The following BEND7 variants were observed in gnomAD, a reference collection of about 807,000 sequenced individuals.
BEND7 encodes the protein BEN domain containing 7, also known as BEN domain-containing protein 7.
Under a neutral mutation model 50.9 loss-of-function variants are expected in BEND7, and 28 were observed. The ratio of observed to expected loss-of-function variants is 0.55; its 90% CI spans 0.41 to 0.75. BEND7 has a LOEUF of 0.75. BEND7 is among the 30% of genes least tolerant of loss of function. The pLI, the probability that BEND7 is intolerant of heterozygous loss-of-function variation, is 0.00. For missense variants in BEND7, 477 were observed against 491.3 expected (o/e 0.97, Z 0.28); for synonymous variants, 170 against 183.9 (o/e 0.92, Z 0.61).
At chr10:13,497,027 G>A (rs1199798914) in intron 3 of BEND7, 139 bp from the exon 4 acceptor site, 3 of 1,042,412 alleles carry the variant, frequency 2.9e-6, no homozygotes, top group Non-Finnish European at 4.0e-6. Flanking sequence ...TGTGCCTAAG[G>A]AAAACGTACC....
chr10:13,458,998 A>G (rs1366106610), intron 6 of BEND7, among the ~76,000 whole-genome samples: 1 of 152,242 alleles, frequency 6.6e-6, no homozygotes, highest in Non-Finnish European at 1.5e-5. Flanking sequence ...AAATCCAAGT[A>G]TGGGCAGCTT....
chr10:13,492,695 A>G lies in BEND7; in HGVS notation c.753T>C (p.Ser251=). 1 of 1,614,172 alleles carries G rather than the reference A, an allele frequency of 6.2e-7. No individual in the cohort carries two copies. Among genetic ancestry groups the G allele is most frequent in the Non-Finnish European group, 8.5e-7 (1 of 1,180,028 alleles). Residue 251 remains serine, a synonymous_variant, in exon 5 of 9, where the codon TCT becomes TCC. Transcript: ENST00000466271. ...EKKSVVASEL[S]ALQAAEHTSP... Reference sequence around the variant, plus strand: ...AGGTGTGCTCGGCTGCCTGGAGAGCAGATAGCTCAGAGGCCACCACCGACT... The same window carrying G: ...AGGTGTGCTCGGCTGCCTGGAGAGCGGATAGCTCAGAGGCCACCACCGACT...
chr10:13,485,437 G>C (rs1312096844), intron 5 of BEND7, among the ~76,000 whole-genome samples: 1 of 152,176 alleles, frequency 6.6e-6, no homozygotes, highest in African/African-American at 2.4e-5. Context: ...GGGCTGTTTG[G>C]ACTAGGTCAT....
At chr10:13,484,206 A>G (rs1217085663) in intron 5 of BEND7, among the ~76,000 whole-genome samples, 1 of 152,174 alleles carries the variant, frequency 6.6e-6, no homozygotes, top group Non-Finnish European at 1.5e-5. Context: ...CCTGTCTCCT[A>G]TTCAGATTTC....
downstream of BEND7, chr10:13,438,816 G>C (rs1314716058): frequency 4.3e-6 from 1 of 233,294 alleles, no homozygotes; most frequent in Non-Finnish European, 8.4e-6. Context: ...GCTGTAAAAG[G>C]CTCCTGATCC....
chr10:13,523,753 C>T (rs1018595475), intron 2 of BEND7, among the ~76,000 whole-genome samples: 4 of 152,192 alleles, frequency 2.6e-5, no homozygotes, highest in Non-Finnish European at 4.4e-5. Flanking sequence ...AAAATTCCTA[C>T]TCTCAGATGC....
intron 7 of BEND7, among the ~76,000 whole-genome samples, chr10:13,449,235 C>T (rs951629909): frequency 2.0e-5 from 3 of 152,054 alleles, no homozygotes; most frequent in Non-Finnish European, 4.4e-5. Flanking sequence ...TTATTTTCTT[C>T]TAATTGGTTT....
intron 8 of BEND7, chr10:13,445,358 G>T (rs1275553180): frequency 1.3e-5 from 2 of 152,282 alleles, no homozygotes; most frequent in East Asian, 1.9e-4. Context: ...ACAGTGAAGA[G>T]GACTCCTAAA....
intron 5 of BEND7, among the ~76,000 whole-genome samples, chr10:13,488,531 A>C (rs1364400733): frequency 6.6e-6 from 1 of 152,106 alleles, no homozygotes; most frequent in Non-Finnish European, 1.5e-5. Context: ...CTCTGTCGCC[A>C]GGCTGGAGTG....
chr10:13,457,068 T>C (rs1163320484), intron 6 of BEND7, among the ~76,000 whole-genome samples: 1 of 152,260 alleles, frequency 6.6e-6, no homozygotes, highest in Non-Finnish European at 1.5e-5. Flanking sequence ...TCCACTGTTA[T>C]AGCAGGTACA....
chr10:13,445,534 A>G (rs1836138279), intron 8 of BEND7: 1 of 152,110 alleles, frequency 6.6e-6, no homozygotes, highest in South Asian at 2.1e-4. Flanking sequence ...AAGCCACTTA[A>G]TGTTTCTGGG....
Position 13,500,005 on chromosome 10 carries a change from T to G in BEND7, c.221A>C (p.Tyr74Ser). ...RLLNDSTGRIYQRVGKEGEKL... is the reference protein window; with the variant it reads ...RLLNDSTGRISQRVGKEGEKL... Reference sequence around the variant, plus strand: ...CTCTCCTTCTTTGCCAACTCGCTGATAGATCCGCCCAGTGCTGTCGTTCAG... The same window carrying G: ...CTCTCCTTCTTTGCCAACTCGCTGAGAGATCCGCCCAGTGCTGTCGTTCAG... Residue 74 changes from tyrosine to serine, a missense_variant, in exon 3 of 9, where the codon TAT becomes TCT. By Grantham distance (144) the Tyr-to-Ser change is moderately radical. Coordinates refer to ENST00000466271, the MANE Select transcript of BEND7 (RefSeq NM_001369863.1). 1.2e-6 allele frequency: 2 copies of G among 1,614,210 alleles called. No individual in the cohort carries two copies. The highest frequency in any genetic ancestry group is 1.7e-6 in the Non-Finnish European group (2 of 1,180,032).
At chr10:13,450,853 T>G (rs1837515375) in intron 7 of BEND7, among the ~76,000 whole-genome samples, 1 of 151,868 alleles carries the variant, frequency 6.6e-6, no homozygotes, top group African/African-American at 2.4e-5. Flanking sequence ...AATGGGCATT[T>G]GTGATGGGAA....
chr10:13,525,397 A>G (rs1158687613), intron 2 of BEND7, among the ~76,000 whole-genome samples: 1 of 152,214 alleles, frequency 6.6e-6, no homozygotes, highest in Non-Finnish European at 1.5e-5. Context: ...TCATGCAGCT[A>G]CACTTGCTGG....
chr10:13,491,944 T>C (rs7901327), intron 5 of BEND7, among the ~76,000 whole-genome samples: 31,609 of 151,622 alleles, frequency 0.21, 3,435 homozygotes, highest in African/African-American at 0.26. Context: ...ACATTGTAAA[T>C]AGAAATGCAA....
In BEND7 at chr10:13,466,529, A is replaced by G. The variant is rs1478630842; in HGVS notation, c.1064-13871T>C. On this transcript the variant is annotated intron_variant, in intron 6 of 8. Coordinates refer to ENST00000466271, the MANE Select transcript of BEND7 (RefSeq NM_001369863.1). ...AGCCAAGATCACACCACTGCAGTCC[A>G]GTCTGGGTCACAGGGTGAGAAACTG... 4.0e-5 allele frequency among the ~76,000 whole-genome samples: 6 copies of G among 151,756 alleles called. No homozygotes were observed. In the East Asian group the frequency reaches 1.2e-3, roughly 29 times the overall value.
At chr10:13,477,613 A>T (rs1189364189) in intron 6 of BEND7, among the ~76,000 whole-genome samples, 2 of 152,234 alleles carry the variant, frequency 1.3e-5, no homozygotes, top group East Asian at 3.8e-4. Flanking sequence ...GTAAAGAAAA[A>T]TGTATTAGGA....
intron 1 of BEND7, chr10:13,527,907 G>A (rs773540813): frequency 9.7e-5 from 88 of 909,816 alleles, no homozygotes; most frequent in Non-Finnish European, 1.1e-4. Context: ...TTTTTTTAAA[G>A]GATGCTTATC....
chr10:13,506,335 G>A (rs1474981726), intron 2 of BEND7, among the ~76,000 whole-genome samples: 4 of 152,126 alleles, frequency 2.6e-5, no homozygotes, highest in Admixed American at 2.6e-4. Flanking sequence ...GGAGAACCTG[G>A]CTTTCCTCTT....
Sources: gnomAD v4.1 joint callset for allele counts (sites outside exome capture counted in the v4.1 genomes callset) on GRCh38, gnomAD v4.1.1 for gene constraint, MANE v1.5 for transcripts, NCBI Gene and HGNC (gene_info 2026-07-23, HGNC 2026-07-21) for gene names.